Variants in EXT1 observed in about 807,000 individuals in gnomAD.
The protein encoded by EXT1 is exostosin-1.
In EXT1, 20 loss-of-function variants were observed where a neutral mutation model predicts 82.5. The ratio of observed to expected loss-of-function variants is 0.24; its 90% CI spans 0.17 to 0.35. The LOEUF (loss-of-function observed/expected upper bound fraction) is 0.35, where lower values mean the gene tolerates loss of function less well. Ranked by LOEUF, EXT1 falls within the 10% of genes least tolerant of loss-of-function variation. The pLI is 1.00. For synonymous variants in EXT1, 348 were observed against 350.8 expected (o/e 0.99, Z 0.09); for missense variants, 757 against 936.5 (o/e 0.81, Z 2.50).
chr8:118,052,661 A>T lies in EXT1; in HGVS notation c.962+57424T>A, dbSNP rs568784718. On this transcript the variant is annotated intron_variant, in intron 1 of 10. Transcript: ENST00000378204. ...CATTTAATAGCCACCTCTCCAAAAG[A>T]AGTACTAGTCCAAATGATTCTTGCT... is the stretch of plus-strand genomic sequence containing the variant. Among the ~76,000 whole-genome samples the T allele has an allele frequency of 5.3e-5, 8 of 152,364 alleles. No homozygotes were observed. In the East Asian group the frequency reaches 1.5e-3, roughly 29 times the overall value.
At chr8:118,051,142 C>A (rs1007591239) in intron 1 of EXT1, among the ~76,000 whole-genome samples, 33 of 152,188 alleles carry the variant, frequency 2.2e-4, no homozygotes, top group African/African-American at 7.2e-4. Context: ...TTGAGACCAG[C>A]CTGGCCAACA....
intron 1 of EXT1, among the ~76,000 whole-genome samples, chr8:118,072,229 G>C (rs1057450578): frequency 6.6e-6 from 1 of 152,154 alleles, no homozygotes; most frequent in African/African-American, 2.4e-5. Context: ...ACCTACAGTA[G>C]ATACTTAGAA....
rs1233436174 is a variant in EXT1, at chr8:117,858,804, GC to G, written c.963-21604del. On this transcript the variant is annotated intron_variant, in intron 1 of 10. Transcript: ENST00000378204. ...AGGCAGGCAGGCAAGGCAAGGCAAG[GC>G]AAGGCAGGAAGGAAGGAAGGAAGGA... 6.9e-3 allele frequency among the ~76,000 whole-genome samples: 642 copies of G among 92,616 alleles called. 25 individuals carry two copies. Among genetic ancestry groups the G allele is most frequent in the African/African-American group, 0.031 (490 of 15,764 alleles). 60.8% of individuals were successfully genotyped at this position (92,616 alleles called of 152,430 possible).
At chr8:118,032,332 C>T (rs534784318) in intron 1 of EXT1, among the ~76,000 whole-genome samples, 1 of 151,736 alleles carries the variant, frequency 6.6e-6, no homozygotes, top group Admixed American at 6.6e-5. Context: ...GAGTGAGGTC[C>T]AGCAATCTGT....
At chr8:118,037,838 T>TTTG in intron 1 of EXT1, among the ~76,000 whole-genome samples, 3 of 139,156 alleles carry the variant, frequency 2.2e-5, no homozygotes, top group African/African-American at 8.9e-5. Context: ...TGTTTTTTGT[T>TTTG]TTTTTTTTTT....
rs147706793 is a variant in EXT1, at chr8:117,927,024, G to A, written c.963-89823C>T. ...CAATTTATGACTCCTTCAGTGTGTC[G>A]TCCTCTTTTGGGTTCTCTGCTGTGT... On this transcript the variant is annotated intron_variant, in intron 1 of 10. Coordinates refer to ENST00000378204, the MANE Select transcript of EXT1 (RefSeq NM_000127.3). Among the ~76,000 whole-genome samples, 124 of 152,232 alleles carry A rather than the reference G, an allele frequency of 8.1e-4. 2 individuals are homozygous for A. Among genetic ancestry groups the A allele is most frequent in the African/African-American group, 2.6e-3 (106 of 41,552 alleles).
intron 1 of EXT1, among the ~76,000 whole-genome samples, chr8:117,849,311 G>A (rs1312090444): frequency 6.6e-6 from 1 of 152,162 alleles, no homozygotes; most frequent in Non-Finnish European, 1.5e-5. Context: ...CAAATGTAAT[G>A]TATACTGCAT....
At chr8:117,832,492 C>T (rs975244714) in intron 3 of EXT1, among the ~76,000 whole-genome samples, 18 of 150,920 alleles carry the variant, frequency 1.2e-4, no homozygotes, top group Admixed American at 4.6e-4. Flanking sequence ...CGCTGCACTC[C>T]AGCCTGGGTG....
At chr8:117,994,546 G>C (rs770596252) in intron 1 of EXT1, among the ~76,000 whole-genome samples, 9 of 152,188 alleles carry the variant, frequency 5.9e-5, no homozygotes, top group Non-Finnish European at 1.3e-4. Flanking sequence ...GGGAGGTTGA[G>C]ACTGCAATGA....
At chr8:117,822,707 C>A in intron 4 of EXT1, 110 bp from the exon 5 acceptor site, 1 of 1,160,038 alleles carries the variant, frequency 8.6e-7, no homozygotes, top group South Asian at 1.3e-5. Context: ...AGTGACTCTA[C>A]CCTCCCTCCC....
chr8:118,046,828 AG>A (rs1350107147), intron 1 of EXT1, among the ~76,000 whole-genome samples: 8 of 152,330 alleles, frequency 5.3e-5, no homozygotes, highest in Non-Finnish European at 1.2e-4. Flanking sequence ...GAAAAAGAAA[AG>A]ATCGTGCAGA....
At chr8:118,070,654 CTTAA>C (rs1817073814) in intron 1 of EXT1, among the ~76,000 whole-genome samples, 1 of 152,068 alleles carries the variant, frequency 6.6e-6, no homozygotes, top group African/African-American at 2.4e-5. Flanking sequence ...TCTTTTATGA[CTTAA>C]TTAAGTGTGA....
intron 1 of EXT1, among the ~76,000 whole-genome samples, chr8:118,002,528 C>CTT (rs60354141): frequency 1.3e-3 from 115 of 87,060 alleles, no homozygotes; most frequent in Non-Finnish European, 1.8e-3. Context: ...GAATATTTTT[C>CTT]TTTTTTTTTT....
chr8:117,961,909 G>GCT (rs1348401141), intron 1 of EXT1, among the ~76,000 whole-genome samples: 2 of 152,284 alleles, frequency 1.3e-5, no homozygotes, highest in East Asian at 1.9e-4. Context: ...TGATCTGCCA[G>GCT]CTCTCTGCCT....
Position 118,014,763 on chromosome 8 carries a change from C to T in EXT1, c.962+95322G>A, listed in dbSNP as rs529678817. Reference sequence around the variant, plus strand: ...CAAGCATCCTTCCTAACAAACTCCTCGTGTGGTTCTTAAACCCGTTCAAGT... The same window carrying T: ...CAAGCATCCTTCCTAACAAACTCCTTGTGTGGTTCTTAAACCCGTTCAAGT... On this transcript the variant is annotated intron_variant, in intron 1 of 10. Transcript: ENST00000378204. 5.3e-5 allele frequency among the ~76,000 whole-genome samples: 8 copies of T among 152,166 alleles called. No homozygotes were observed. In the East Asian group the frequency reaches 7.8e-4, roughly 15 times the overall value.
chr8:117,837,516 A>AT (rs1055193574), intron 1 of EXT1, among the ~76,000 whole-genome samples: 7 of 152,200 alleles, frequency 4.6e-5, no homozygotes, highest in Non-Finnish European at 8.8e-5. Context: ...GTCTTGATAA[A>AT]ATATGTTGCC....
intron 1 of EXT1, among the ~76,000 whole-genome samples, chr8:118,075,555 G>A (rs536000892): frequency 6.6e-6 from 1 of 152,272 alleles, no homozygotes; most frequent in South Asian, 2.1e-4. Flanking sequence ...TCATTGTTCT[G>A]GGTTTTGGTT....
At chr8:117,967,780 T>G (rs977598236) in intron 1 of EXT1, among the ~76,000 whole-genome samples, 5 of 152,350 alleles carry the variant, frequency 3.3e-5, no homozygotes, top group East Asian at 3.9e-4. Flanking sequence ...GAGTTACTTT[T>G]AACTCACAGA....
chr8:117,957,012 CA>C (rs1191199665), intron 1 of EXT1, among the ~76,000 whole-genome samples: 2 of 152,158 alleles, frequency 1.3e-5, no homozygotes, highest in African/African-American at 4.8e-5. Flanking sequence ...CAGGCTGTAA[CA>C]ACAGAGTCAT....
Sources: gnomAD v4.1 joint callset for allele counts (sites outside exome capture counted in the v4.1 genomes callset) on GRCh38, gnomAD v4.1.1 for gene constraint, MANE v1.5 for transcripts, NCBI Gene and HGNC (gene_info 2026-07-23, HGNC 2026-07-21) for gene names.